Variants in IL1RL1 observed in about 807,000 individuals in gnomAD.
The protein encoded by IL1RL1 is interleukin-1 receptor-like 1.
In IL1RL1, 32 loss-of-function variants were observed where a neutral mutation model predicts 50.9. The ratio of observed to expected loss-of-function variants is 0.63; its 90% confidence interval spans 0.47 to 0.84. IL1RL1 has a LOEUF of 0.84. IL1RL1 is among the 40% of genes least tolerant of loss of function. The pLI, the probability that IL1RL1 is intolerant of heterozygous loss-of-function variation, is 0.00. For synonymous variants in IL1RL1, 275 were observed against 236.0 expected (o/e 1.17, Z -1.51); for missense variants, 773 against 662.9 (o/e 1.17, Z -1.82).
At chr2:102,323,698 T>C (rs1480569405) in intron 1 of IL1RL1, among the ~76,000 whole-genome samples, 13 of 152,124 alleles carry the variant, frequency 8.5e-5, no homozygotes, top group Admixed American at 8.5e-4. Flanking sequence ...AATCTATTCA[T>C]GAGGGATCCA....
At chr2:102,338,719 G>A in intron 2 of IL1RL1, 118 bp from the exon 3 acceptor site, 1 of 717,860 alleles carries the variant, frequency 1.4e-6, no homozygotes, top group Non-Finnish European at 2.4e-6. Flanking sequence ...CTTTCCCAAG[G>A]TATCACAGTA....
At chr2:102,330,998 A>ATTAT (rs1677163839) in intron 1 of IL1RL1, among the ~76,000 whole-genome samples, 4 of 152,222 alleles carry the variant, frequency 2.6e-5, no homozygotes, top group Non-Finnish European at 5.9e-5. Flanking sequence ...TGTCGAAGGC[A>ATTAT]GTGTTTTTCA....
rs1429916450 is a variant in IL1RL1, at chr2:102,340,584, C to T, written c.448-82C>T. ...GCCCAGATTGCACCACTCACTCCAGCCTAGGCAACAAACATTCTGTCAACA... is the reference window on the plus strand; with the variant it reads ...GCCCAGATTGCACCACTCACTCCAGTCTAGGCAACAAACATTCTGTCAACA... On this transcript the variant is annotated intron_variant, in intron 4 of 10. Transcript: ENST00000233954. 5 of 1,429,746 alleles carry T rather than the reference C, an allele frequency of 3.5e-6. No homozygotes were observed. The East Asian group carries it at 1.2e-4, about 34-fold the overall frequency. The allele number at this position is 1,429,746 out of a possible 1,614,324, so 88.6% of individuals were successfully genotyped here.
intron 10 of IL1RL1, among the ~76,000 whole-genome samples, chr2:102,350,943 A>G (rs1047837160): frequency 1.3e-5 from 2 of 152,192 alleles, no homozygotes; most frequent in African/African-American, 4.8e-5. Context: ...GCTAATTGGA[A>G]TCACCATGGT....
At chr2:102,328,988 C>G (rs1677095338) in intron 1 of IL1RL1, among the ~76,000 whole-genome samples, 1 of 152,174 alleles carries the variant, frequency 6.6e-6, no homozygotes, top group African/African-American at 2.4e-5. Context: ...GAAAAAACTA[C>G]TTTAAAGTTC....
At position 102,340,780 on chromosome 2, in the gene IL1RL1, A is replaced by C; in HGVS notation, c.562A>C (p.Asn188His). The C allele has an allele frequency of 6.3e-7, 1 of 1,589,112 alleles. No individual in the cohort carries two copies. The highest frequency in any genetic ancestry group is 8.5e-7 in the Non-Finnish European group (1 of 1,172,734). The change falls in exon 5 of 11, where the codon AAT (asparagine) becomes CAT (histidine). Residue 188 changes from asparagine to histidine, a missense_variant. Physicochemically the swap from Asn to His is moderately conservative, Grantham distance 68. Coordinates refer to ENST00000233954, the MANE Select transcript of IL1RL1 (RefSeq NM_016232.5). The part of the protein sequence containing the change: ...DYTCKFIHNE[N>H]GANYSVTATR... ...CACCTGTAAATTTATACACAATGAA[A>C]ATGGAGCCAATTATAGTGTGACGGC... is the stretch of plus-strand genomic sequence containing the variant.
chr2:102,344,907 G>A, intron 8 of IL1RL1: 1 of 971,526 alleles, frequency 1.0e-6, no homozygotes, highest in Non-Finnish European at 1.2e-6. Context: ...GGATTTTAAT[G>A]ATATCATTAT....
intron 1 of IL1RL1, among the ~76,000 whole-genome samples, chr2:102,312,002 T>TAATA (rs796738532): frequency 3.5e-5 from 1 of 28,538 alleles, no homozygotes; most frequent in African/African-American, 1.8e-4. Flanking sequence ...ATATAATATA[T>TAATA]TTATATATAT....
intron 1 of IL1RL1, among the ~76,000 whole-genome samples, chr2:102,325,269 C>T (rs1211045598): frequency 6.6e-6 from 1 of 152,186 alleles, no homozygotes; most frequent in Admixed American, 6.5e-5. Flanking sequence ...CAGCAAACTC[C>T]AACAGATCTG....
At chr2:102,333,409 T>C (rs182338478) in intron 1 of IL1RL1, among the ~76,000 whole-genome samples, 112 of 152,278 alleles carry the variant, frequency 7.4e-4, no homozygotes, top group African/African-American at 2.6e-3. Context: ...AAATGGAGTC[T>C]TGGTCTGAGC....
intron 1 of IL1RL1, among the ~76,000 whole-genome samples, chr2:102,315,051 T>A (rs1460478161): frequency 6.6e-6 from 1 of 152,048 alleles, no homozygotes; most frequent in Non-Finnish European, 1.5e-5. Context: ...CTAGTCTGAC[T>A]TTTTTTTCCC....
At chr2:102,348,401 C>T (rs55927292) in intron 9 of IL1RL1, among the ~76,000 whole-genome samples, 37,803 of 151,956 alleles carry the variant, frequency 0.25, 5,009 homozygotes, top group East Asian at 0.39. Flanking sequence ...CATAATGTAT[C>T]GGTAAGACAT....
intron 1 of IL1RL1, among the ~76,000 whole-genome samples, chr2:102,316,608 A>G (rs539060167): frequency 3.3e-5 from 5 of 152,308 alleles, no homozygotes; most frequent in Non-Finnish European, 5.9e-5. Flanking sequence ...AAACCATCCA[A>G]TACAGCCCAT....
intron 1 of IL1RL1, among the ~76,000 whole-genome samples, chr2:102,320,600 G>T (rs1157347605): frequency 6.6e-6 from 1 of 152,136 alleles, no homozygotes; most frequent in Non-Finnish European, 1.5e-5. Flanking sequence ...CAAAACTAGT[G>T]TAATCCTACT....
chr2:102,349,595 A>G (rs1677876895), intron 10 of IL1RL1, among the ~76,000 whole-genome samples: 1 of 152,208 alleles, frequency 6.6e-6, no homozygotes, highest in Admixed American at 6.5e-5. Flanking sequence ...AAGAGGACTT[A>G]AAAATTGATG....
chr2:102,324,896 G>T (rs1196438436), intron 1 of IL1RL1, among the ~76,000 whole-genome samples: 1 of 152,232 alleles, frequency 6.6e-6, no homozygotes, highest in Non-Finnish European at 1.5e-5. Context: ...AAGGAGGCCT[G>T]CCTGCCTCTG....
Position 102,349,089 on chromosome 2 carries a change from C to T in IL1RL1, c.1128C>T (p.Leu376=). The change falls in exon 10 of 11, where the codon CTC becomes CTT. Residue 376 remains leucine, a synonymous_variant. Coordinates refer to ENST00000233954, the MANE Select transcript of IL1RL1 (RefSeq NM_016232.5). ...TGTTTTCATTTTCAGATGGAAAGCT[C>T]TATGATGCTTATGTTGTCTACCCAC... ...KPYKTRNDGK[L]YDAYVVYPRN... 1 of 1,613,134 alleles carries T rather than the reference C, an allele frequency of 6.2e-7. No homozygotes were observed. Among genetic ancestry groups the T allele is most frequent in the Non-Finnish European group, 8.5e-7 (1 of 1,179,170 alleles).
intron 1 of IL1RL1, among the ~76,000 whole-genome samples, chr2:102,333,592 TTTTG>T (rs766982409): frequency 5.3e-5 from 8 of 152,152 alleles, no homozygotes; most frequent in Non-Finnish European, 1.0e-4. Flanking sequence ...TTTCTTCTGT[TTTTG>T]TTTGTTTGTT....
intron 8 of IL1RL1, chr2:102,343,877 A>G (rs1355180178): frequency 1.4e-5 from 14 of 999,844 alleles, no homozygotes; most frequent in Non-Finnish European, 1.6e-5. Context: ...AAGTGAACAA[A>G]AAGGGGAAGT....
Sources: gnomAD v4.1 joint callset for allele counts (sites outside exome capture counted in the v4.1 genomes callset) on GRCh38, gnomAD v4.1.1 for gene constraint, MANE v1.5 for transcripts, NCBI Gene and HGNC (gene_info 2026-07-23, HGNC 2026-07-21) for gene names.